Variants in IFT172 observed in about 807,000 individuals in gnomAD.
IFT172 encodes the protein intraflagellar transport 172.
Under a neutral mutation model 248.9 loss-of-function variants are expected in IFT172, and 164 were observed. That is an observed-to-expected ratio of 0.66 (90% CI 0.58 to 0.75). IFT172 has a LOEUF of 0.75. IFT172 is among the 30% of genes least tolerant of loss of function. IFT172 has a pLI of 0.00. For synonymous variants in IFT172, 729 were observed against 791.6 expected, an observed-to-expected ratio of 0.92 and a Z score of 1.33; for missense variants, 1,950 against 2,192.4, an observed-to-expected ratio of 0.89 and a Z score of 2.21.
chr2:27,454,602 C>A lies in IFT172; in HGVS notation c.3430G>T (p.Val1144Phe), dbSNP rs749475657. The change falls in exon 31 of 48, where the codon GTT becomes TTT. Residue 1144 changes from valine (V) to phenylalanine (F), a missense_variant. By Grantham distance (50) the Val-to-Phe change is conservative. Transcript: ENST00000260570. This position sits in a 1 kb window ranked among gnomAD's most constrained non-coding sequence, Gnocchi z 4.2. ...AGGAACATAGCATATTTGAGATGAA[C>A]CTCGGGGGTTTTGTGCTTGAGGGCC... is the stretch of plus-strand genomic sequence containing the variant. ...RLALKHKTPE[V>F]HLKYAMFLED... is the part of the protein sequence containing the mutation. 2 of 1,614,068 alleles carry A rather than the reference C, an allele frequency of 1.2e-6. No individual in the cohort carries two copies. Among genetic ancestry groups the A allele is most frequent in the Admixed American group, 1.7e-5 (1 of 60,006 alleles).
Position 27,456,209 on chromosome 2 carries a change from C to CA in IFT172, c.3371+301dup, listed in dbSNP as rs1016528482. Among the ~76,000 whole-genome samples the CA allele has an allele frequency of 2.1e-3, 286 of 139,242 alleles. 1 individual carries two copies. The highest frequency in any genetic ancestry group is 0.011 in the South Asian group (50 of 4,382). 91.3% of individuals were successfully genotyped at this position (139,242 alleles called of 152,430 possible). A position where few individuals can be genotyped will look rare whatever the true frequency, so the allele number is the denominator to read the frequency against. ...CTGGCGACGGAGTGAGACTCTGTCTCAAAAAAAAAAACAGTTCACTCTGCA... is the reference window on the plus strand; with the variant it reads ...CTGGCGACGGAGTGAGACTCTGTCTCAAAAAAAAAAAACAGTTCACTCTGCA... On this transcript the variant is annotated intron_variant, in intron 30 of 47. Coordinates refer to ENST00000260570, the MANE Select transcript of IFT172 (RefSeq NM_015662.3).
chr2:27,471,191 A>G lies in IFT172; in HGVS notation c.1525-96T>C. 2.5e-6 allele frequency: 3 copies of G among 1,197,036 alleles called. No individual in the cohort carries two copies. The East Asian group carries it at 7.3e-5, about 29-fold the overall frequency. The allele number at this position is 1,197,036 out of a possible 1,614,324, so 74.2% of individuals were successfully genotyped here. On this transcript the variant is annotated intron_variant, in intron 15 of 47. Transcript: ENST00000260570. ...CCTAATGGTGAGATGTGGTGAGCTA[A>G]CCCACCACTCAGGTTCATGCTGCAT...
intron 17 of IFT172, 33 bp from the exon 18 acceptor site, chr2:27,465,551 G>A: frequency 6.2e-7 from 1 of 1,603,030 alleles, no homozygotes; most frequent in Non-Finnish European, 8.5e-7. Flanking sequence ...CATAATGAAT[G>A]AGGAATGGGT....
chr2:27,452,255 T>G (rs1381263681), intron 35 of IFT172, among the ~76,000 whole-genome samples: 1 of 152,196 alleles, frequency 6.6e-6, no homozygotes, highest in Non-Finnish European at 1.5e-5. Context: ...GCCTTTAAAC[T>G]GGGACACTGG....
At chr2:27,476,509 T>C (rs1434325701) in intron 14 of IFT172, 132 bp downstream of exon 14, 2 of 611,792 alleles carry the variant, frequency 3.3e-6, no homozygotes, top group Non-Finnish European at 5.9e-6. Context: ...ATATATCCAC[T>C]GTACATGTGG....
rs1668555909 is a variant in IFT172, at chr2:27,483,784, A to C, written c.402+88T>G. 1.6e-5 allele frequency: 23 copies of C among 1,450,080 alleles called. 2 individuals are homozygous for C. The South Asian group carries it at 2.6e-4, about 17-fold the overall frequency. 89.8% of individuals were successfully genotyped at this position (1,450,080 alleles called of 1,614,324 possible). ...TGCATTCTCCCCAGTACGCAACTTG[A>C]TCCTAAGAAAGAGGATGAACCATAT... On this transcript the variant is annotated intron_variant, in intron 5 of 47. Coordinates refer to ENST00000260570, the MANE Select transcript of IFT172 (RefSeq NM_015662.3).
rs985111903 is a variant in IFT172, at chr2:27,473,552, C to T, written c.1412-1190G>A. ...GTCTCAATCTCCTGACCTCGTGATC[C>T]GCCTGTCTCAGCCTCCCAAAGTGTT... On this transcript the variant is annotated intron_variant, in intron 14 of 47. Coordinates refer to ENST00000260570, the MANE Select transcript of IFT172 (RefSeq NM_015662.3). 4.0e-5 allele frequency among the ~76,000 whole-genome samples: 6 copies of T among 151,312 alleles called. No individual in the cohort carries two copies. The East Asian group carries it at 8.1e-4, about 20-fold the overall frequency.
At chr2:27,461,868 C>T (rs1666704651) in intron 20 of IFT172, 32 bp from the exon 21 acceptor site, 1 of 1,611,918 alleles carries the variant, frequency 6.2e-7, no homozygotes, top group Non-Finnish European at 8.5e-7. Context: ...GAGAGGGACA[C>T]CAGAAAGATA....
intron 29 of IFT172, 99 bp downstream of exon 29, chr2:27,457,540 A>G: frequency 1.9e-6 from 2 of 1,035,454 alleles, no homozygotes; most frequent in Non-Finnish European, 3.0e-6. Flanking sequence ...GCACCACTGC[A>G]CTCCAGCCTG....
Position 27,468,860 on chromosome 2 carries a change from A to C in IFT172, c.1692+2068T>G, listed in dbSNP as rs1572788256. On this transcript the variant is annotated intron_variant, in intron 16 of 47. Coordinates refer to ENST00000260570, the MANE Select transcript of IFT172 (RefSeq NM_015662.3). ...CGACACTCCGTCTCAAAAAAAAAAAAAGAAAAAAAAAAAGAGAAACCAAAG... is the reference window on the plus strand; with the variant it reads ...CGACACTCCGTCTCAAAAAAAAAAACAGAAAAAAAAAAAGAGAAACCAAAG... 2.0e-5 allele frequency among the ~76,000 whole-genome samples: 3 copies of C among 151,546 alleles called. No individual in the cohort carries two copies. The South Asian group carries it at 6.2e-4, about 32-fold the overall frequency.
At chr2:27,470,605 C>A (rs570017776) in intron 16 of IFT172, among the ~76,000 whole-genome samples, 3 of 152,072 alleles carry the variant, frequency 2.0e-5, no homozygotes, top group Admixed American at 6.6e-5. Context: ...TGGCTTATAA[C>A]GGAGAATCAG....
At chr2:27,469,079 T>G (rs1667346740) in intron 16 of IFT172, among the ~76,000 whole-genome samples, 1 of 152,004 alleles carries the variant, frequency 6.6e-6, no homozygotes, top group African/African-American at 2.4e-5. Flanking sequence ...AACTGAAAAT[T>G]TATCATCTTT....
Position 27,445,062 on chromosome 2 carries a change from C to T in IFT172, c.5112G>A (p.Gly1704=). 6.2e-7 allele frequency: 1 copy of T among 1,614,086 alleles called. No homozygotes were observed. The change falls in exon 47 of 48, where the codon GGG becomes GGA. Residue 1704 remains glycine (G), a synonymous_variant. Coordinates refer to ENST00000260570, the MANE Select transcript of IFT172 (RefSeq NM_015662.3). The surrounding 1 kb of genome is among the most constrained non-coding windows in gnomAD (Gnocchi z 4.4). ...LRNKIEFKRP[G]KAANKDNWNK... is the part of the protein sequence containing the mutation. ...TCCAGTTGTCCTTGTTAGCAGCCTTCCCTGGCCGCTTAAATTCAATTTTGT... is the reference window on the plus strand; with the variant it reads ...TCCAGTTGTCCTTGTTAGCAGCCTTTCCTGGCCGCTTAAATTCAATTTTGT...
intron 1 of IFT172, 59 bp downstream of exon 1, chr2:27,489,556 C>A (rs1208310502): frequency 2.3e-6 from 3 of 1,314,670 alleles, no homozygotes; most frequent in African/African-American, 1.5e-5. Flanking sequence ...AACTTCAGTT[C>A]CCCCACTTTT....
At position 27,461,305 on chromosome 2, in the gene IFT172, G is replaced by C; in HGVS notation, c.2406C>G (p.Ile802Met). The change falls in exon 22 of 48, where the codon ATC becomes ATG. Residue 802 changes from isoleucine (I) to methionine (M), a missense_variant. Ile to Met is a conservative substitution (Grantham distance 10). Transcript: ENST00000260570. ...GTTCCCCCTTGATAAGGGCTGCAGT[G>C]ATGTGTTCTACCAGCTCTGTGTTGG... is the stretch of plus-strand genomic sequence containing the variant. ...LLANTELVEH[I>M]TAALIKGELY... The C allele has an allele frequency of 6.2e-7, 1 of 1,614,174 alleles. No homozygotes were observed. Among genetic ancestry groups the C allele is most frequent in the Non-Finnish European group, 8.5e-7 (1 of 1,180,022 alleles).
intron 18 of IFT172, 73 bp from the exon 19 acceptor site, chr2:27,463,254 T>A: frequency 7.2e-7 from 1 of 1,382,794 alleles, no homozygotes; most frequent in Non-Finnish European, 1.0e-6. Flanking sequence ...GTTCAGCAAA[T>A]ACAAATTGAT....
rs540171862 is a variant in IFT172, at chr2:27,447,581, G to T, written c.4593C>A (p.Phe1531Leu). Residue 1531 changes from phenylalanine (F) to leucine (L), a missense_variant, in exon 42 of 48, where the codon TTC (phenylalanine) becomes TTA (leucine). Coordinates refer to ENST00000260570, the MANE Select transcript of IFT172 (RefSeq NM_015662.3). ...AATGAGCGATCAGCAGCATCGTCTTGAACTCCTCATGGGCTGGAGAGTTTG... is the reference window on the plus strand; with the variant it reads ...AATGAGCGATCAGCAGCATCGTCTTTAACTCCTCATGGGCTGGAGAGTTTG... ...SEANSPAHEEFKTMLLIAHYY... is the reference protein window; with the variant it reads ...SEANSPAHEELKTMLLIAHYY... 6.2e-7 allele frequency: 1 copy of T among 1,614,150 alleles called. No homozygotes were observed. Among genetic ancestry groups the T allele is most frequent in the Admixed American group, 1.7e-5 (1 of 60,016 alleles).
intron 13 of IFT172, 95 bp downstream of exon 13, chr2:27,477,122 G>T: frequency 8.8e-7 from 1 of 1,136,088 alleles, no homozygotes; most frequent in Non-Finnish European, 1.3e-6. Flanking sequence ...ACCACACCTG[G>T]CTGAAGCTTT....
intron 16 of IFT172, 60 bp downstream of exon 16, chr2:27,470,868 C>T (rs1318169626): frequency 2.7e-6 from 4 of 1,468,084 alleles, no homozygotes; most frequent in Non-Finnish European, 3.6e-6. Context: ...TCAGAGTCTC[C>T]TCATGGCTCT....
Sources: gnomAD v4.1 joint callset for allele counts (sites outside exome capture counted in the v4.1 genomes callset) on GRCh38, gnomAD v4.1.1 for gene constraint, Gnocchi (gnomAD v3.1) non-coding constraint, MANE v1.5 for transcripts, NCBI Gene and HGNC (gene_info 2026-07-23, HGNC 2026-07-21) for gene names.